ITPRID1: variants seen among roughly 807,000 people sequenced by gnomAD.
ITPRID1 encodes the protein ITPR interacting domain containing 1.
Under a neutral mutation model 95.4 loss-of-function variants are expected in ITPRID1, and 96 were observed. The ratio of observed to expected loss-of-function variants is 1.01; its 90% CI spans 0.85 to 1.19. ITPRID1 has a LOEUF of 1.19. Among genes scored for constraint, ITPRID1 ranks in the 50% most tolerant of loss-of-function variants. The pLI, the probability that ITPRID1 is intolerant of heterozygous loss-of-function variation, is 0.00. For synonymous variants in ITPRID1, 510 were observed against 453.6 expected, an observed-to-expected ratio of 1.12 and a Z score of -1.58; for missense variants, 1,339 against 1,252.9, an observed-to-expected ratio of 1.07 and a Z score of -1.04.
chr7:31,519,620 C>CTCTCTCTCTCTCTCTCTCTCTATATA, intron 1 of ITPRID1, among the ~76,000 whole-genome samples: 1 of 25,254 alleles, frequency 4.0e-5, no homozygotes, highest in Non-Finnish European at 7.3e-5. Flanking sequence ...CTCTCTCTCT[C>CTCTCTCTCTCTCTCTCTCTCTATATA]TATATATATA....
chr7:31,577,780 G>A (rs894112436), intron 8 of ITPRID1, 83 bp from the exon 9 acceptor site: 12 of 1,165,488 alleles, frequency 1.0e-5, no homozygotes, highest in African/African-American at 9.3e-5. Flanking sequence ...TCATGTTAAC[G>A]GACCCTTCAG....
chr7:31,554,258 T>TA lies in ITPRID1; in HGVS notation c.164-216dup, dbSNP rs1180236626. On this transcript the variant is annotated intron_variant, in intron 3 of 14. Transcript: ENST00000615280. ...ACATTTTCTTTCTTTTTTTTTAAGT[T>TA]ACAGTCTTTTGACAAGTTTACACTT... 8 of 662,192 alleles carry TA rather than the reference T, an allele frequency of 1.2e-5. No individual in the cohort carries two copies. The Admixed American group carries it at 2.4e-4, about 20-fold the overall frequency. 41.0% of individuals were successfully genotyped at this position (662,192 alleles called of 1,614,324 possible). A position where few individuals can be genotyped will look rare whatever the true frequency, so the allele number is the denominator to read the frequency against.
chr7:31,541,101 C>A (rs970030441), intron 1 of ITPRID1, among the ~76,000 whole-genome samples: 1 of 152,176 alleles, frequency 6.6e-6, no homozygotes, highest in African/African-American at 2.4e-5. Context: ...TAAAGAGAAA[C>A]AAGTATGCTC....
chr7:31,616,609 GTTATTTCAGCT>G (rs1431641095), intron 10 of ITPRID1, among the ~76,000 whole-genome samples: 1 of 152,114 alleles, frequency 6.6e-6, no homozygotes, highest in African/African-American at 2.4e-5. Flanking sequence ...CAGGCACAAT[GTTATTTCAGCT>G]TTAGAAATAA....
chr7:31,640,051 C>T (rs1018716984), intron 10 of ITPRID1, among the ~76,000 whole-genome samples: 14 of 152,078 alleles, frequency 9.2e-5, no homozygotes, highest in Admixed American at 7.2e-4. Context: ...TATTCTTTTG[C>T]TTATGTCTTG....
intron 5 of ITPRID1, among the ~76,000 whole-genome samples, chr7:31,557,424 T>C (rs1456108021): frequency 6.6e-6 from 1 of 152,122 alleles, no homozygotes; most frequent in Non-Finnish European, 1.5e-5. Flanking sequence ...GTCCTGTTCC[T>C]GGTTTCCTGT....
chr7:31,577,036 G>T (rs932331892), intron 8 of ITPRID1, among the ~76,000 whole-genome samples: 4 of 151,960 alleles, frequency 2.6e-5, no homozygotes, highest in African/African-American at 9.7e-5. Flanking sequence ...AATGATAGAG[G>T]CCAGATCATC....
intron 2 of ITPRID1, among the ~76,000 whole-genome samples, chr7:31,552,754 G>A (rs1383918785): frequency 2.6e-5 from 4 of 152,182 alleles, no homozygotes; most frequent in African/African-American, 4.8e-5. Context: ...TGCAGAGTGC[G>A]CATGTGGTCT....
chr7:31,626,528 A>C (rs1788482398), intron 10 of ITPRID1, among the ~76,000 whole-genome samples: 1 of 152,210 alleles, frequency 6.6e-6, no homozygotes, highest in East Asian at 1.9e-4. Context: ...CATGAATATC[A>C]CAAAGATGGA....
intron 2 of ITPRID1, chr7:31,551,888 C>G (rs755486258): frequency 2.4e-6 from 1 of 414,962 alleles, no homozygotes; most frequent in Non-Finnish European, 4.9e-6. Flanking sequence ...GAAGGATAAA[C>G]GAATGCAAAT....
At chr7:31,523,050 A>G (rs1437668660) in intron 1 of ITPRID1, among the ~76,000 whole-genome samples, 1 of 152,204 alleles carries the variant, frequency 6.6e-6, no homozygotes, top group African/African-American at 2.4e-5. Context: ...CATAGGGCTA[A>G]TGTAAGTTTT....
intron 10 of ITPRID1, among the ~76,000 whole-genome samples, chr7:31,627,683 AT>A (rs1788601504): frequency 1.4e-5 from 2 of 144,864 alleles, no homozygotes; most frequent in South Asian, 2.2e-4. Context: ...AAAAAAAAAA[AT>A]TCAGTAAACA....
In ITPRID1 at chr7:31,652,041, G is replaced by A; in HGVS notation, c.2814G>A (p.Gly938=). 1 of 1,595,468 alleles carries A rather than the reference G, an allele frequency of 6.3e-7. No individual in the cohort carries two copies. Among genetic ancestry groups the A allele is most frequent in the East Asian group, 2.3e-5 (1 of 44,168 alleles). ...ACCGGGCTCAGCAAATCAGAGAAGG[G>A]ATTTTACTGGTATGGGTGATGGGGT... is the stretch of plus-strand genomic sequence containing the variant. ...LGDRAQQIRE[G]ILLQLEVLTA... Residue 938 remains glycine, a synonymous_variant, in exon 14 of 15, where the codon GGG becomes GGA. Transcript: ENST00000615280.
intron 10 of ITPRID1, among the ~76,000 whole-genome samples, chr7:31,607,945 G>A (rs1338737581): frequency 2.0e-5 from 3 of 151,726 alleles, no homozygotes; most frequent in East Asian, 3.9e-4. Flanking sequence ...TTCTCCCATA[G>A]CATCCTATTT....
At chr7:31,606,386 C>T (rs1462254556) in intron 10 of ITPRID1, among the ~76,000 whole-genome samples, 1 of 151,748 alleles carries the variant, frequency 6.6e-6, no homozygotes, top group East Asian at 1.9e-4. Flanking sequence ...GTATTTATAT[C>T]TATGATAAAA....
At position 31,653,016 on chromosome 7, in the gene ITPRID1, A is replaced by G. The variant is rs944968835; in HGVS notation, c.*187A>G. The G allele has an allele frequency of 5.0e-6, 7 of 1,391,422 alleles. No homozygotes were observed. The African/African-American group carries it at 1.0e-4, about 20-fold the overall frequency. The allele number at this position is 1,391,422 out of a possible 1,614,324, so 86.2% of individuals were successfully genotyped here. ...TCTAATACTCATTCAGTATAGAATA[A>G]CTGAGCACCTAGTATGTGCCTGGCA... On this transcript the variant is annotated 3_prime_UTR_variant, in exon 15 of 15. Transcript: ENST00000615280.
intron 12 of ITPRID1, among the ~76,000 whole-genome samples, chr7:31,644,594 T>C (rs954596331): frequency 6.6e-6 from 1 of 152,226 alleles, no homozygotes; most frequent in Non-Finnish European, 1.5e-5. Flanking sequence ...CTACCTTTGC[T>C]GAGCCTATTT....
intron 10 of ITPRID1, among the ~76,000 whole-genome samples, chr7:31,600,510 C>G (rs1786345685): frequency 6.6e-6 from 1 of 152,094 alleles, no homozygotes; most frequent in South Asian, 2.1e-4. Flanking sequence ...GGGACAAAAC[C>G]AAGTCATAAA....
At chr7:31,621,876 G>C (rs944816981) in intron 10 of ITPRID1, among the ~76,000 whole-genome samples, 1 of 151,806 alleles carries the variant, frequency 6.6e-6, no homozygotes, top group Non-Finnish European at 1.5e-5. Context: ...CACATGCAGA[G>C]ACACATAGGC....
Sources: gnomAD v4.1 joint callset for allele counts (sites outside exome capture counted in the v4.1 genomes callset) on GRCh38, gnomAD v4.1.1 for gene constraint, MANE v1.5 for transcripts, NCBI Gene and HGNC (gene_info 2026-07-23, HGNC 2026-07-21) for gene names.